The following AGMO variants were observed in gnomAD, a reference collection of about 807,000 sequenced individuals.
AGMO encodes the protein glyceryl-ether monooxygenase.
A neutral mutation model predicts 60.2 loss-of-function variants in AGMO; 75 were observed. That is an observed-to-expected ratio of 1.25 (90% CI 1.03 to 1.51). The LOEUF is 1.51. AGMO is among the 40% of genes most tolerant of loss of function. AGMO has a pLI of 0.00. For synonymous variants in AGMO, 261 were observed against 177.1 expected, an observed-to-expected ratio of 1.47 and a Z score of -3.76; for missense variants, 763 against 525.5, an observed-to-expected ratio of 1.45 and a Z score of -4.42.
chr7:15,425,924 T>A (rs1052867621), intron 4 of AGMO, among the ~76,000 whole-genome samples: 3 of 152,208 alleles, frequency 2.0e-5, no homozygotes, highest in African/African-American at 7.2e-5. Context: ...TAATTTCAAT[T>A]AAGTTCATTT....
intron 3 of AGMO, among the ~76,000 whole-genome samples, chr7:15,432,508 T>C (rs1428106240): frequency 6.6e-6 from 1 of 151,320 alleles, no homozygotes; most frequent in African/African-American, 2.4e-5. Flanking sequence ...CTCATAGATA[T>C]AAGAAGGACT....
chr7:15,307,661 C>G (rs1258777020), intron 12 of AGMO, among the ~76,000 whole-genome samples: 1 of 151,972 alleles, frequency 6.6e-6, no homozygotes, highest in Non-Finnish European at 1.5e-5. Context: ...TATCTTCAAA[C>G]TGACACTCAA....
the AGMO span, among the ~76,000 whole-genome samples, chr7:15,142,290 G>C: frequency 0.37 from 55,913 of 151,958 alleles, 11,775 homozygotes; most frequent in East Asian, 0.72. Context: ...GTTATTATTA[G>C]GGCCCCATTA....
chr7:15,327,287 G>C (rs867833398), intron 12 of AGMO, among the ~76,000 whole-genome samples: 1 of 152,138 alleles, frequency 6.6e-6, no homozygotes, highest in Non-Finnish European at 1.5e-5. Context: ...AATAGAAAAT[G>C]CTTGGGGCTA....
chr7:15,377,882 C>T (rs1480699750), intron 10 of AGMO, among the ~76,000 whole-genome samples: 1 of 151,952 alleles, frequency 6.6e-6, no homozygotes, highest in African/African-American at 2.4e-5. Context: ...TTTAGGTGTG[C>T]ACTGCCAAGC....
chr7:15,429,711 G>A lies in AGMO; in HGVS notation c.513+1294C>T, dbSNP rs571117534. Among the ~76,000 whole-genome samples, 4 of 152,074 alleles carry A rather than the reference G, an allele frequency of 2.6e-5. No homozygotes were observed. In the South Asian group the frequency reaches 8.3e-4, roughly 31 times the overall value. ...AGGAAATGTATTAGTAACATCCCTG[G>A]CTTATAGATTTGTTTTGCCTATGCT... On this transcript the variant is annotated intron_variant, in intron 4 of 12. Coordinates refer to ENST00000342526, the MANE Select transcript of AGMO (RefSeq NM_001004320.2).
chr7:15,560,105 G>T, intron 2 of AGMO, 36 bp downstream of exon 2: 1 of 1,538,226 alleles, frequency 6.5e-7, no homozygotes. Flanking sequence ...GGCAATTTCA[G>T]TTTTTATGCT....
intron 3 of AGMO, among the ~76,000 whole-genome samples, chr7:15,432,379 T>TATATATATATATATATATATATACACAC (rs373845365): frequency 2.9e-5 from 4 of 136,198 alleles, no homozygotes; most frequent in African/African-American, 1.1e-4. Context: ...CATATATATA[T>TATATATATATATATATATATATACACAC]ACACTATCTG....
Position 15,390,737 on chromosome 7 carries a change from T to G in AGMO, c.756A>C (p.Ala252=). ...IWDKIFGTFE[A]ENEKVVYGLT... ...AGCCATATACAACTTTTTCATTTTCTGCTTCAAATGTCCCTGGAAGATAAA... is the reference window on the plus strand; with the variant it reads ...AGCCATATACAACTTTTTCATTTTCGGCTTCAAATGTCCCTGGAAGATAAA... Residue 252 remains alanine (A), a synonymous_variant, in exon 8 of 13, where the codon GCA becomes GCC. Coordinates refer to ENST00000342526, the MANE Select transcript of AGMO (RefSeq NM_001004320.2). 1 of 1,610,144 alleles carries G rather than the reference T, an allele frequency of 6.2e-7. No individual in the cohort carries two copies. The highest frequency in any genetic ancestry group is 8.5e-7 in the Non-Finnish European group (1 of 1,177,116).
the AGMO span, among the ~76,000 whole-genome samples, chr7:15,177,270 A>C: frequency 6.6e-6 from 1 of 152,036 alleles, no homozygotes; most frequent in Non-Finnish European, 1.5e-5. Flanking sequence ...AGGTAATGAA[A>C]AGAATGAAAA....
At chr7:15,397,201 G>A (rs1479309634) in intron 5 of AGMO, among the ~76,000 whole-genome samples, 1 of 152,112 alleles carries the variant, frequency 6.6e-6, no homozygotes, top group East Asian at 1.9e-4. Context: ...ACGGAGACCC[G>A]CCGTCCTGGC....
chr7:15,525,698 C>G (rs936994780), intron 3 of AGMO, among the ~76,000 whole-genome samples: 2 of 152,094 alleles, frequency 1.3e-5, no homozygotes, highest in Non-Finnish European at 2.9e-5. Flanking sequence ...TGCCCTTGAC[C>G]GGGTAAGGGT....
intron 6 of AGMO, 43 bp from the exon 7 acceptor site, chr7:15,390,948 T>TTTTTTGAG: frequency 2.3e-6 from 3 of 1,283,866 alleles, no homozygotes; most frequent in Non-Finnish European, 3.3e-6. Context: ...GAAAAATAGT[T>TTTTTTGAG]ATGCTTTTTG....
chr7:15,180,847 C>A, the AGMO span, among the ~76,000 whole-genome samples: 1 of 152,148 alleles, frequency 6.6e-6, no homozygotes, highest in Non-Finnish European at 1.5e-5. Flanking sequence ...GTTTGGCTCA[C>A]AGTTCTGGAG....
the AGMO span, among the ~76,000 whole-genome samples, chr7:15,128,103 C>T: frequency 3.3e-5 from 5 of 152,080 alleles, no homozygotes; most frequent in African/African-American, 1.2e-4. Context: ...TCCTGCCTTT[C>T]TTGCCCTGAA....
chr7:15,432,379 T>TACAC (rs1554271605), intron 3 of AGMO, among the ~76,000 whole-genome samples: 1 of 136,198 alleles, frequency 7.3e-6, no homozygotes, highest in African/African-American at 2.8e-5. Context: ...CATATATATA[T>TACAC]ACACTATCTG....
chr7:15,157,205 C>G, the AGMO span, among the ~76,000 whole-genome samples: 12 of 152,250 alleles, frequency 7.9e-5, no homozygotes, highest in African/African-American at 2.6e-4. Context: ...TCACAGCAAT[C>G]CTTTGAAGCA....
At chr7:15,228,644 A>G (rs1782160415) in intron 12 of AGMO, among the ~76,000 whole-genome samples, 1 of 152,184 alleles carries the variant, frequency 6.6e-6, no homozygotes, top group Non-Finnish European at 1.5e-5. Flanking sequence ...CTAAAGTAAA[A>G]TAAGTAAAAT....
At chr7:15,185,497 G>C in the AGMO span, among the ~76,000 whole-genome samples, 8 of 152,096 alleles carry the variant, frequency 5.3e-5, no homozygotes, top group Non-Finnish European at 1.0e-4. Flanking sequence ...CCTAAACCAC[G>C]CACTTTGGTA....
Sources: allele counts gnomAD v4.1 joint callset (sites outside exome capture counted in the v4.1 genomes callset), GRCh38; gene constraint gnomAD v4.1.1; transcripts MANE v1.5; gene names NCBI Gene and HGNC (gene_info 2026-07-23, HGNC 2026-07-21).